The following HECW2 variants were observed in gnomAD, a reference collection of about 807,000 sequenced individuals.
HECW2 encodes HECT, C2 and WW domain containing E3 ubiquitin protein ligase 2.
HECW2 carries 61 observed loss-of-function variants against 175.2 expected under a neutral mutation model. The observed-to-expected ratio is 0.35, with a 90% CI of 0.28 to 0.43. The LOEUF is 0.43. Among genes scored for constraint, HECW2 ranks in the 20% least tolerant of loss-of-function variants. HECW2 has a pLI of 1.00. For missense variants in HECW2, 1,524 were observed against 2,000.5 expected (o/e 0.76, Z 4.54); for synonymous variants, 671 against 731.0 (o/e 0.92, Z 1.32).
chr2:196,207,323 T>C (rs1048382043), intron 28 of HECW2, among the ~76,000 whole-genome samples: 2 of 152,226 alleles, frequency 1.3e-5, no homozygotes, highest in African/African-American at 4.8e-5. Flanking sequence ...AGTGATCGAA[T>C]TCCATTAAAG....
intron 14 of HECW2, among the ~76,000 whole-genome samples, chr2:196,278,873 G>A (rs536388658): frequency 5.7e-4 from 87 of 152,178 alleles, no homozygotes; most frequent in African/African-American, 1.9e-3. Context: ...AACGAAGAGA[G>A]CAGGAAGGAA....
chr2:196,207,617 G>T (rs1361206192), intron 28 of HECW2, among the ~76,000 whole-genome samples: 1 of 152,164 alleles, frequency 6.6e-6, no homozygotes, highest in Non-Finnish European at 1.5e-5. Context: ...CATTGGTCAT[G>T]TTCCATTTTG....
intron 1 of HECW2, among the ~76,000 whole-genome samples, chr2:196,574,304 C>T (rs1181172783): frequency 6.6e-6 from 1 of 151,928 alleles, no homozygotes; most frequent in Non-Finnish European, 1.5e-5. Flanking sequence ...GTGGTATGCA[C>T]CCATAATCCC....
Position 196,306,557 on chromosome 2 carries a change from C to A in HECW2, c.2745G>T (p.Leu915Phe), listed in dbSNP as rs1691271079. The A allele has an allele frequency of 6.2e-7, 1 of 1,612,988 alleles. No homozygotes were observed. The highest frequency in any genetic ancestry group is 2.2e-5 in the East Asian group (1 of 44,784). Residue 915 changes from leucine (L) to phenylalanine (F), a missense_variant, in exon 13 of 29, where the codon TTG becomes TTT. Physicochemically the swap from Leu to Phe is conservative, Grantham distance 22. Around this residue, in one of 11 missense-constraint regions of HECW2, gnomAD observed 105 missense variants for 98.1 expected, o/e 1.07. Coordinates refer to ENST00000644978, the MANE Select transcript of HECW2 (RefSeq NM_001348768.2). ...ACTTCACGGGGGGAGACTGTAACAG[C>A]AACGTGATCCTGGATCTGGAGGTAG... Reference protein sequence around the residue: ...PHSTSRSRITLLLQSPPVKFL... With the variant: ...PHSTSRSRITFLLQSPPVKFL...
In HECW2 at chr2:196,281,982, T is replaced by G. The variant is rs565600101; in HGVS notation, c.3001-3320A>C. On this transcript the variant is annotated intron_variant, in intron 14 of 28. Transcript: ENST00000644978. Reference sequence around the variant, plus strand: ...AAGGAAGGTTAACTGAGATAGTTCATATGAATTTTTGAGCATGCTGCCTGT... The same window carrying G: ...AAGGAAGGTTAACTGAGATAGTTCAGATGAATTTTTGAGCATGCTGCCTGT... Among the ~76,000 whole-genome samples, 4 of 152,326 alleles carry G rather than the reference T, an allele frequency of 2.6e-5. No individual in the cohort carries two copies. In the South Asian group the frequency reaches 8.3e-4, roughly 32 times the overall value.
intron 9 of HECW2, 24 bp from the exon 10 acceptor site, chr2:196,317,393 C>T (rs1047467816): frequency 2.6e-6 from 4 of 1,534,766 alleles, no homozygotes; most frequent in Non-Finnish European, 2.7e-6. Context: ...TAGAAAGTTA[C>T]CAGGTATTGT....
intron 1 of HECW2, among the ~76,000 whole-genome samples, chr2:196,443,222 T>C (rs1369197170): frequency 6.6e-6 from 1 of 151,966 alleles, no homozygotes; most frequent in Non-Finnish European, 1.5e-5. Flanking sequence ...TCAAAAAGAA[T>C]TAAATTAGTG....
At chr2:196,206,838 T>C (rs955373369) in intron 28 of HECW2, among the ~76,000 whole-genome samples, 3 of 152,192 alleles carry the variant, frequency 2.0e-5, no homozygotes, top group African/African-American at 4.8e-5. Flanking sequence ...ACACCTTTGT[T>C]TCATTAGTCC....
chr2:196,520,984 G>A (rs1688348725), intron 1 of HECW2, among the ~76,000 whole-genome samples: 2 of 152,106 alleles, frequency 1.3e-5, no homozygotes, highest in South Asian at 2.1e-4. Context: ...TAAAGCCAGG[G>A]AACGAGCCCT....
chr2:196,561,500 A>G (rs1354626062), intron 1 of HECW2, among the ~76,000 whole-genome samples: 1 of 152,076 alleles, frequency 6.6e-6, no homozygotes, highest in Non-Finnish European at 1.5e-5. Context: ...CCCACACCCT[A>G]TTCGTACACT....
intron 2 of HECW2, among the ~76,000 whole-genome samples, chr2:196,406,861 C>T (rs954140191): frequency 5.9e-5 from 9 of 152,216 alleles, no homozygotes; most frequent in African/African-American, 1.7e-4. Context: ...TTCCTGACTC[C>T]CAATCTAAAG....
In HECW2 at chr2:196,319,238, T is replaced by C; in HGVS notation, c.1652A>G (p.Glu551Gly). Residue 551 changes from glutamate to glycine, a missense_variant, in exon 9 of 29, where the codon GAA (glutamate) becomes GGA (glycine). Around this residue, in one of 11 missense-constraint regions of HECW2, gnomAD observed 604 missense variants for 588.3 expected, o/e 1.03. Transcript: ENST00000644978. ...LPAGPAPEEG[E>G]GGPEPQPSAD... ...ACTGGGTTGAGGCTCTGGGCCGCCTTCACCTTCCTCTGGGGCTGGGCCTGC... is the reference window on the plus strand; with the variant it reads ...ACTGGGTTGAGGCTCTGGGCCGCCTCCACCTTCCTCTGGGGCTGGGCCTGC... 3 of 1,598,844 alleles carry C rather than the reference T, an allele frequency of 1.9e-6. No homozygotes were observed. Among genetic ancestry groups the C allele is most frequent in the Non-Finnish European group, 2.6e-6 (3 of 1,173,026 alleles).
chr2:196,541,974 G>C (rs763331372), intron 1 of HECW2, among the ~76,000 whole-genome samples: 12 of 151,958 alleles, frequency 7.9e-5, no homozygotes, highest in Non-Finnish European at 1.5e-4. Flanking sequence ...CATAGAAAAA[G>C]ACAAAGGTGC....
Position 196,318,685 on chromosome 2 carries a change from C to A in HECW2, c.2205G>T (p.Glu735Asp), listed in dbSNP as rs775553074. The change falls in exon 9 of 29, where the codon GAG becomes GAT. Residue 735 changes from glutamate to aspartate, a missense_variant. Glu to Asp is a conservative substitution (Grantham distance 45, BLOSUM62 2). Coordinates refer to ENST00000644978, the MANE Select transcript of HECW2 (RefSeq NM_001348768.2). The stretch of plus-strand genomic sequence containing the variant: ...CCAGGCTCCCCCTCCGCTGCCAGAC[C>A]TCCCCCAGCTCCTCCTGGTCAGGTA... The part of the protein sequence containing the change: ...ATVPDQEELG[E>D]VWQRRGSLEG... The A allele has an allele frequency of 6.3e-7, 1 of 1,592,782 alleles. No individual in the cohort carries two copies. Among genetic ancestry groups the A allele is most frequent in the Non-Finnish European group, 8.5e-7 (1 of 1,169,758 alleles).
At chr2:196,390,907 G>A (rs760064413) in intron 2 of HECW2, among the ~76,000 whole-genome samples, 1 of 152,136 alleles carries the variant, frequency 6.6e-6, no homozygotes, top group South Asian at 2.1e-4. Context: ...TCTACATTGT[G>A]CGAGCTCAAT....
intron 17 of HECW2, among the ~76,000 whole-genome samples, chr2:196,262,677 T>C (rs983899318): frequency 2.0e-5 from 3 of 152,152 alleles, no homozygotes; most frequent in Non-Finnish European, 2.9e-5. Flanking sequence ...GTGATTCTCC[T>C]GCCTCAGCCT....
intron 28 of HECW2, among the ~76,000 whole-genome samples, chr2:196,210,367 G>A (rs565983888): frequency 9.2e-5 from 14 of 151,862 alleles, no homozygotes; most frequent in Non-Finnish European, 1.9e-4. Flanking sequence ...CTTAGTAATT[G>A]ACTTTTTTTT....
chr2:196,407,875 T>C (rs1439973836), intron 2 of HECW2, among the ~76,000 whole-genome samples: 1 of 152,252 alleles, frequency 6.6e-6, no homozygotes, highest in Non-Finnish European at 1.5e-5. Flanking sequence ...TTGTAGGTGT[T>C]AAAATGCTTG....
intron 13 of HECW2, 23 bp downstream of exon 13, chr2:196,306,465 A>G (rs371219170): frequency 4.5e-5 from 72 of 1,588,822 alleles, no homozygotes; most frequent in Middle Eastern, 1.7e-4. Flanking sequence ...TTTCCTTCAC[A>G]CTCTTTCAGA....
Sources: allele counts gnomAD v4.1 joint callset (sites outside exome capture counted in the v4.1 genomes callset), GRCh38; gene constraint gnomAD v4.1.1; regional missense constraint gnomAD v4.1.1; transcripts MANE v1.5; gene names NCBI Gene and HGNC (gene_info 2026-07-23, HGNC 2026-07-21).